Variants in GGH observed in about 807,000 individuals in gnomAD.
GGH encodes gamma-glutamyl hydrolase.
A neutral mutation model predicts 39.2 loss-of-function variants in GGH; 18 were observed. The ratio of observed to expected loss-of-function variants is 0.46; its 90% CI spans 0.32 to 0.68. GGH has a LOEUF of 0.68. GGH is among the 30% of genes least tolerant of loss of function. The pLI is 0.04. For synonymous variants in GGH, 147 were observed against 138.8 expected, an observed-to-expected ratio of 1.06 and a Z score of -0.42; for missense variants, 367 against 384.1, an observed-to-expected ratio of 0.96 and a Z score of 0.37.
At chr8:63,022,678 C>CT (rs34415067) in intron 7 of GGH, among the ~76,000 whole-genome samples, 11,297 of 143,426 alleles carry the variant, frequency 0.079, 675 homozygotes, top group East Asian at 0.33. Flanking sequence ...CCATGCCCAG[C>CT]TTTTTTTTTT....
intron 5 of GGH, 97 bp from the exon 6 acceptor site, chr8:63,024,283 C>T (rs1804646393): frequency 1.5e-6 from 1 of 670,574 alleles, no homozygotes. Flanking sequence ...ATTATGAAGA[C>T]ATAATCAAGA....
Position 63,026,212 on chromosome 8 carries a change from A to C in GGH, c.445T>G (p.Leu149Val). The change falls in exon 5 of 9, where the codon TTA becomes GTA. Residue 149 changes from leucine (L) to valine (V), a missense_variant. Leu to Val is a conservative substitution (Grantham distance 32). Transcript: ENST00000260118. ...TCAACAGTATCTGTGGCAGTTAATA[A>C]GCACTCTCCACTAATCAGCAGTGAA... ...ELSLLISGEC[L>V]LTATDTVDVA... The C allele has an allele frequency of 3.7e-6, 6 of 1,611,102 alleles. No individual in the cohort carries two copies. Among genetic ancestry groups the C allele is most frequent in the Non-Finnish European group, 5.1e-6 (6 of 1,178,182 alleles).
In GGH at chr8:63,030,185, A is replaced by T; in HGVS notation, c.257T>A (p.Leu86His). 1 of 1,433,082 alleles carries T rather than the reference A, an allele frequency of 7.0e-7. No individual in the cohort carries two copies. The highest frequency in any genetic ancestry group is 1.4e-5 in the African/African-American group (1 of 71,780). 88.8% of individuals were successfully genotyped at this position (1,433,082 alleles called of 1,614,324 possible). A position where few individuals can be genotyped will look rare whatever the true frequency, so the allele number is the denominator to read the frequency against. ...LDLTEKDYEILFKSINGILFP... is the reference protein window; with the variant it reads ...LDLTEKDYEIHFKSINGILFP... ...AACTTACCCATTAATAGATTTGAAA[A>T]GTATTTCATAGTCTTTCTCTGTAAG... Residue 86 changes from leucine to histidine, a missense_variant, in exon 3 of 9, where the codon CTT becomes CAT. By Grantham distance (99) the Leu-to-His change is moderately conservative. Transcript: ENST00000260118.
chr8:63,022,495 C>G (rs1804607686), intron 7 of GGH, among the ~76,000 whole-genome samples: 2 of 97,312 alleles, frequency 2.1e-5, no homozygotes, highest in Non-Finnish European at 3.7e-5. Context: ...ATTAATTTCT[C>G]CTCAACTGTG....
At chr8:63,021,998 T>A (rs1485507356) in intron 7 of GGH, among the ~76,000 whole-genome samples, 1 of 152,132 alleles carries the variant, frequency 6.6e-6, no homozygotes, top group Non-Finnish European at 1.5e-5. Flanking sequence ...TAATAAGCTA[T>A]CTTTTCTTCT....
intron 7 of GGH, among the ~76,000 whole-genome samples, chr8:63,022,178 T>C (rs1804599203): frequency 6.6e-6 from 1 of 152,174 alleles, no homozygotes; most frequent in Non-Finnish European, 1.5e-5. Flanking sequence ...ATATTTTGTC[T>C]TCAAAACTCC....
intron 4 of GGH, among the ~76,000 whole-genome samples, chr8:63,026,500 C>G (rs1371554662): frequency 6.6e-6 from 1 of 152,188 alleles, no homozygotes; most frequent in Admixed American, 6.5e-5. Flanking sequence ...TGTGGACACA[C>G]TGTATATCTT....
chr8:63,027,277 T>G lies in GGH; in HGVS notation c.276-12A>C. The G allele has an allele frequency of 1.3e-6, 2 of 1,512,410 alleles. No homozygotes were observed. Among genetic ancestry groups the G allele is most frequent in the Admixed American group, 3.3e-5 (2 of 59,770 alleles). 93.7% of individuals were successfully genotyped at this position (1,512,410 alleles called of 1,614,324 possible). A position where few individuals can be genotyped will look rare whatever the true frequency, so the allele number is the denominator to read the frequency against. On this transcript the variant is annotated splice_polypyrimidine_tract_variant and intron_variant, in intron 3 of 8. Coordinates refer to ENST00000260118, the MANE Select transcript of GGH (RefSeq NM_003878.3). ...CAGGGAAAAGGATTCTGAAACAACG[T>G]TACATAAATCAAATAGGGTGTATTT...
chr8:63,035,775 T>C lies in GGH; in HGVS notation c.110-5A>G. ...GGCATTTTTGCATTAATATTCCTAA[T>C]AACAAAAAAAAGTTTAGTTTCAAGC... On this transcript the variant is annotated splice_region_variant and splice_polypyrimidine_tract_variant and intron_variant, in intron 1 of 8. Coordinates refer to ENST00000260118, the MANE Select transcript of GGH (RefSeq NM_003878.3). 1 of 1,601,168 alleles carries C rather than the reference T, an allele frequency of 6.2e-7. No individual in the cohort carries two copies. Among genetic ancestry groups the C allele is most frequent in the Non-Finnish European group, 8.5e-7 (1 of 1,175,818 alleles).
At chr8:63,036,541 C>T (rs1009285729) in intron 1 of GGH, among the ~76,000 whole-genome samples, 7 of 152,104 alleles carry the variant, frequency 4.6e-5, no homozygotes, top group Non-Finnish European at 1.0e-4. Context: ...TGGTCGTAAG[C>T]ACTAAGGAGA....
At chr8:63,035,952 C>G (rs1287170329) in intron 1 of GGH, among the ~76,000 whole-genome samples, 182 bp from the exon 2 acceptor site, 2 of 152,166 alleles carry the variant, frequency 1.3e-5, no homozygotes, top group African/African-American at 2.4e-5. Context: ...ATCTTACTTT[C>G]AAGTAGATCT....
intron 2 of GGH, among the ~76,000 whole-genome samples, chr8:63,033,016 C>G (rs1028818482): frequency 4.6e-5 from 7 of 152,228 alleles, no homozygotes; most frequent in Non-Finnish European, 8.8e-5. Flanking sequence ...ACACTTCACA[C>G]CTAGACTACT....
At chr8:63,017,841 A>G (rs1451922670) in intron 7 of GGH, 1 of 453,622 alleles carries the variant, frequency 2.2e-6, no homozygotes, top group Non-Finnish European at 3.9e-6. Context: ...AACCTTTTAC[A>G]ATCTGTAGGA....
rs1241554752 is a variant in GGH, at chr8:63,026,280, T to A, written c.377A>T (p.Asp126Val). Residue 126 changes from aspartate (D) to valine (V), a missense_variant, in exon 5 of 9, where the codon GAC (aspartate) becomes GTC (valine). Physicochemically the swap from Asp to Val is radical, Grantham distance 152 (BLOSUM62 -3). Transcript: ENST00000260118. The stretch of plus-strand genomic sequence containing the variant: ...GCATGTGCCCCACACAGGAAAATAG[T>A]CTCCATCATCAAAACTCTTTGCAAG... ...NLSIQSFDDG[D>V]YFPVWGTCLG... is the part of the protein sequence containing the mutation. The A allele has an allele frequency of 6.2e-7, 1 of 1,601,976 alleles. No homozygotes were observed. Among genetic ancestry groups the A allele is most frequent in the South Asian group, 1.1e-5 (1 of 88,036 alleles).
At chr8:63,036,627 C>A (rs1804913979) in intron 1 of GGH, among the ~76,000 whole-genome samples, 1 of 152,108 alleles carries the variant, frequency 6.6e-6, no homozygotes, top group Non-Finnish European at 1.5e-5. Context: ...GGCAAGTCCT[C>A]CCTGAGAAGG....
At chr8:63,026,897 G>C in intron 4 of GGH, 1 of 345,038 alleles carries the variant, frequency 2.9e-6, no homozygotes, top group African/African-American at 2.2e-5. Flanking sequence ...ATAGGACAGA[G>C]AGAGACATCA....
At chr8:63,031,549 G>C (rs1471726139) in intron 2 of GGH, among the ~76,000 whole-genome samples, 4 of 152,204 alleles carry the variant, frequency 2.6e-5, no homozygotes, top group African/African-American at 9.6e-5. Context: ...ATCGCCATCA[G>C]GGACCAAAAT....
Position 63,015,433 on chromosome 8 carries a change from AATG to A in GGH, c.853_855del (p.His285del), listed in dbSNP as rs780453382. 1 of 1,542,680 alleles carries A rather than the reference AATG, an allele frequency of 6.5e-7. No individual in the cohort carries two copies. The highest frequency in any genetic ancestry group is 2.3e-5 in the East Asian group (1 of 43,882). ...TTCTCCTCTTCAGATTCAGATTTAA[AATG>A]ATGGTTGTTTTTCCGAGCTGCAAGA... is the stretch of plus-strand genomic sequence containing the variant. On this transcript the variant is annotated inframe_deletion, in exon 9 of 9. Coordinates refer to ENST00000260118, the MANE Select transcript of GGH (RefSeq NM_003878.3).
intron 3 of GGH, among the ~76,000 whole-genome samples, chr8:63,029,602 AC>A (rs929334675): frequency 1.1e-4 from 16 of 152,140 alleles, no homozygotes; most frequent in African/African-American, 3.6e-4. Context: ...TTGCAATATT[AC>A]CCCAAAAAAG....
Sources: gnomAD v4.1 joint callset for allele counts (sites outside exome capture counted in the v4.1 genomes callset) on GRCh38, gnomAD v4.1.1 for gene constraint, MANE v1.5 for transcripts, NCBI Gene and HGNC (gene_info 2026-07-23, HGNC 2026-07-21) for gene names.